The following PCDHGB4 variants were observed in gnomAD, a reference collection of about 807,000 sequenced individuals.
PCDHGB4 encodes protocadherin gamma subfamily B, 4.
PCDHGB4 carries 38 observed loss-of-function variants against 60.5 expected under a neutral mutation model. The ratio of observed to expected loss-of-function variants is 0.63; its 90% confidence interval spans 0.48 to 0.82. PCDHGB4 has a LOEUF of 0.82. Among genes scored for constraint, PCDHGB4 ranks in the 40% least tolerant of loss-of-function variants. PCDHGB4 has a pLI of 0.00. For missense variants in PCDHGB4, 1,109 were observed against 1,209.6 expected (o/e 0.92, Z 1.23); for synonymous variants, 456 against 509.7 (o/e 0.89, Z 1.42).
intron 1 of PCDHGB4, among the ~76,000 whole-genome samples, chr5:141,402,461 C>T (rs892900332): frequency 6.6e-6 from 1 of 151,994 alleles, no homozygotes; most frequent in Non-Finnish European, 1.5e-5. Context: ...GTTTACATAT[C>T]TAGAAATAGA....
chr5:141,409,237 A>G lies in PCDHGB4; in HGVS notation c.2397+18956A>G, dbSNP rs375806619. The G allele has an allele frequency of 7.2e-5, 116 of 1,614,054 alleles. 2 individuals are homozygous for G. Among genetic ancestry groups the G allele is most frequent in the East Asian group, 6.5e-4 (29 of 44,886 alleles). ...TCCTTGATGAAAACGACAACAGCCC[A>G]GAAATAATCATCACTTCTCTCTCTG... On this transcript the variant is annotated intron_variant, in intron 1 of 3. Coordinates refer to ENST00000519479, the MANE Select transcript of PCDHGB4 (RefSeq NM_003736.4).
intron 1 of PCDHGB4, among the ~76,000 whole-genome samples, chr5:141,449,177 G>T (rs2098631167): frequency 6.6e-6 from 1 of 152,028 alleles, no homozygotes. Flanking sequence ...AATTTTCTTA[G>T]GTATTTTCAC....
In PCDHGB4 at chr5:141,423,089, G is replaced by C. The variant is rs201821221; in HGVS notation, c.2397+32808G>C. The stretch of plus-strand genomic sequence containing the variant: ...AGCGAGCCGGGACTCTTCGCGGTGG[G>C]GGAGCACACGGGCGAGGTGCGTACA... On this transcript the variant is annotated intron_variant, in intron 1 of 3. Transcript: ENST00000519479. 4.0e-5 allele frequency: 65 copies of C among 1,614,016 alleles called. No individual in the cohort carries two copies. In the African/African-American group the frequency reaches 7.2e-4, roughly 18 times the overall value.
At chr5:141,453,205 G>C (rs570291941) in intron 1 of PCDHGB4, among the ~76,000 whole-genome samples, 2 of 151,872 alleles carry the variant, frequency 1.3e-5, no homozygotes, top group Non-Finnish European at 2.9e-5. Context: ...CCTCAACCTC[G>C]TGCACTTAAG....
At chr5:141,510,056 G>C (rs1450505898) in intron 3 of PCDHGB4, among the ~76,000 whole-genome samples, 2 of 152,174 alleles carry the variant, frequency 1.3e-5, no homozygotes. Flanking sequence ...AAGTGATTGT[G>C]CATGTGAAGC....
chr5:141,476,714 C>T lies in PCDHGB4; in HGVS notation c.2398-18093C>T, dbSNP rs146188020. On this transcript the variant is annotated intron_variant, in intron 1 of 3. Transcript: ENST00000519479. The surrounding 1 kb of genome is among the most constrained non-coding windows in gnomAD (Gnocchi z 7.6). ...CAAGTACGCGGAGCTGGTGTTGGAG[C>T]GCGCCCTGGACCGAGAACGGGAGCC... The T allele has an allele frequency of 6.2e-7, 1 of 1,614,154 alleles. No individual in the cohort carries two copies. The highest frequency in any genetic ancestry group is 8.5e-7 in the Non-Finnish European group (1 of 1,180,032).
chr5:141,418,740 T>C, intron 1 of PCDHGB4: 1 of 1,613,972 alleles, frequency 6.2e-7, no homozygotes, highest in Admixed American at 1.7e-5. Context: ...GTGTTCTCTC[T>C]GGATTACACT....
At position 141,418,416 on chromosome 5, in the gene PCDHGB4, C is replaced by A. The variant is rs377542164; in HGVS notation, c.2397+28135C>A. On this transcript the variant is annotated intron_variant, in intron 1 of 3. Transcript: ENST00000519479. ...TTCTCATTGGTGGAGAAAGACAATC[C>A]TGATGGTGGCAAATATCCAGAATTA... The A allele has an allele frequency of 3.7e-6, 6 of 1,613,866 alleles. No individual in the cohort carries two copies. The African/African-American group carries it at 8.0e-5, about 22-fold the overall frequency.
chr5:141,398,165 G>A (rs574512663), intron 1 of PCDHGB4: 4 of 1,479,272 alleles, frequency 2.7e-6, no homozygotes, highest in South Asian at 2.8e-5. Context: ...CGGGCTGAGA[G>A]GCTGCCAGTG....
intron 1 of PCDHGB4, among the ~76,000 whole-genome samples, chr5:141,438,119 A>G (rs2097930168): frequency 6.6e-6 from 1 of 152,220 alleles, no homozygotes; most frequent in Non-Finnish European, 1.5e-5. Flanking sequence ...ATGCATTCCT[A>G]AAATATTAAT....
chr5:141,415,404 C>A lies in PCDHGB4; in HGVS notation c.2397+25123C>A, dbSNP rs199662613. On this transcript the variant is annotated intron_variant, in intron 1 of 3. Transcript: ENST00000519479. ...GCTTGACAGGTGTGTCCGGCTCGCA[C>A]TTTGTGGGCGTGGACGGGGTTCGGG... The A allele has an allele frequency of 2.2e-4, 363 of 1,614,238 alleles. 1 individual carries two copies. Among genetic ancestry groups the A allele is most frequent in the Non-Finnish European group, 6.8e-6 (8 of 1,180,048 alleles).
chr5:141,428,186 C>CCGCTCTCTG, intron 1 of PCDHGB4: 2 of 1,460,956 alleles, frequency 1.4e-6, no homozygotes, highest in Non-Finnish European at 1.9e-6. Flanking sequence ...AGGACAGCCG[C>CCGCTCTCTG]CGCTCTCTGC....
intron 1 of PCDHGB4, among the ~76,000 whole-genome samples, chr5:141,405,781 A>G (rs913529807): frequency 2.6e-5 from 4 of 151,674 alleles, no homozygotes; most frequent in African/African-American, 7.3e-5. Context: ...CCTGGCCCTT[A>G]ACTTTCTATT....
chr5:141,432,178 T>C lies in PCDHGB4; in HGVS notation c.2397+41897T>C. Reference sequence around the variant, plus strand: ...ATCCCAGAGGAGTTTCCCTCGTCTCTGTGACCGCCCACGACCCCGACTGTG... The same window carrying C: ...ATCCCAGAGGAGTTTCCCTCGTCTCCGTGACCGCCCACGACCCCGACTGTG... On this transcript the variant is annotated intron_variant, in intron 1 of 3. Transcript: ENST00000519479. The surrounding 1 kb of genome is among the most constrained non-coding windows in gnomAD (Gnocchi z 6.0). 6.2e-7 allele frequency: 1 copy of C among 1,614,184 alleles called. No individual in the cohort carries two copies. The highest frequency in any genetic ancestry group is 8.5e-7 in the Non-Finnish European group (1 of 1,180,036).
intron 1 of PCDHGB4, chr5:141,423,659 A>C (rs369390148): frequency 6.4e-7 from 1 of 1,551,038 alleles, no homozygotes; most frequent in African/African-American, 1.4e-5. Flanking sequence ...ACAAGTAATC[A>C]GGTGAGATTT....
chr5:141,403,766 G>A (rs1371539458), intron 1 of PCDHGB4: 2 of 1,613,864 alleles, frequency 1.2e-6, no homozygotes, highest in East Asian at 2.2e-5. Context: ...CCTGGATGAG[G>A]GAATCAACGG....
intron 3 of PCDHGB4, among the ~76,000 whole-genome samples, chr5:141,510,375 G>A (rs980966602): frequency 3.4e-5 from 5 of 148,132 alleles, no homozygotes; most frequent in East Asian, 2.0e-4. Context: ...ATCTCTACTC[G>A]TGCCAGGCCT....
At chr5:141,426,521 C>T (rs184198267) in intron 1 of PCDHGB4, 14 of 341,908 alleles carry the variant, frequency 4.1e-5, no homozygotes, top group Admixed American at 7.6e-5. Flanking sequence ...ACCGTGAACA[C>T]GGAGAATGGG....
intron 1 of PCDHGB4, chr5:141,441,678 G>A (rs952726158): frequency 3.4e-6 from 1 of 292,424 alleles, no homozygotes; most frequent in Non-Finnish European, 6.7e-6. Flanking sequence ...GTGCGCCTTC[G>A]ACCAAGAGCA....
Sources: gnomAD v4.1 joint callset for allele counts (sites outside exome capture counted in the v4.1 genomes callset) on GRCh38, gnomAD v4.1.1 for gene constraint, Gnocchi (gnomAD v3.1) non-coding constraint, MANE v1.5 for transcripts, NCBI Gene and HGNC (gene_info 2026-07-23, HGNC 2026-07-21) for gene names.